TMEFF2: variants seen among roughly 807,000 people sequenced by gnomAD.
The protein encoded by TMEFF2 is transmembrane protein with EGF like and two follistatin like domains 2, also known as tomoregulin-2.
A neutral mutation model predicts 53.8 loss-of-function variants in TMEFF2; 28 were observed. The observed-to-expected ratio is 0.52, with a 90% CI of 0.39 to 0.71. TMEFF2 has a LOEUF of 0.71. Ranked by LOEUF, TMEFF2 falls within the 30% of genes least tolerant of loss-of-function variation. The pLI is 0.00. For missense variants in TMEFF2, 353 were observed against 455.2 expected, an observed-to-expected ratio of 0.78 and a Z score of 2.04; for synonymous variants, 162 against 166.3, an observed-to-expected ratio of 0.97 and a Z score of 0.20.
intron 4 of TMEFF2, among the ~76,000 whole-genome samples, chr2:192,094,975 A>G (rs958653936): frequency 1.1e-4 from 16 of 152,218 alleles, no homozygotes; most frequent in African/African-American, 2.9e-4. Context: ...AGCTTCCAAT[A>G]ATTAAGTTTC....
chr2:191,995,410 A>T (rs781780403), intron 7 of TMEFF2, among the ~76,000 whole-genome samples: 3 of 152,008 alleles, frequency 2.0e-5, no homozygotes, highest in Non-Finnish European at 2.9e-5. Flanking sequence ...CTCAGGTGGG[A>T]GAGTCCGTGA....
At chr2:191,957,086 C>T (rs1336449081) in intron 7 of TMEFF2, among the ~76,000 whole-genome samples, 5 of 152,126 alleles carry the variant, frequency 3.3e-5, no homozygotes, top group Admixed American at 1.3e-4. Flanking sequence ...CTTACGATAA[C>T]GAATAAACGT....
intron 4 of TMEFF2, among the ~76,000 whole-genome samples, chr2:192,081,113 G>A (rs1351178786): frequency 1.3e-5 from 2 of 152,036 alleles, no homozygotes; most frequent in Non-Finnish European, 2.9e-5. Flanking sequence ...GCAATACTAG[G>A]GACTATCCAA....
Position 192,183,232 on chromosome 2 carries a change from G to A in TMEFF2, c.412+1122C>T, listed in dbSNP as rs942665873. On this transcript the variant is annotated intron_variant, in intron 3 of 9. Transcript: ENST00000272771. ...ATTCTCTTTCTTCTGCTAATTCTCA[G>A]AAACTTGGGTAGTCACCAGTATAAC... 9.2e-5 allele frequency among the ~76,000 whole-genome samples: 14 copies of A among 152,082 alleles called. No homozygotes were observed. The East Asian group carries it at 2.7e-3, about 29-fold the overall frequency.
intron 4 of TMEFF2, among the ~76,000 whole-genome samples, chr2:192,174,673 A>G (rs902358538): frequency 4.0e-5 from 6 of 151,788 alleles, no homozygotes; most frequent in Admixed American, 4.0e-4. Flanking sequence ...TTCTTCCCAT[A>G]TATATTGCCT....
chr2:191,961,000 A>C (rs1269657633), intron 7 of TMEFF2, among the ~76,000 whole-genome samples: 1 of 152,240 alleles, frequency 6.6e-6, no homozygotes, highest in Non-Finnish European at 1.5e-5. Flanking sequence ...ATGATTAATC[A>C]TGAATATTTA....
At position 191,950,396 on chromosome 2, in the gene TMEFF2, C is replaced by T. The variant is rs756796676; in HGVS notation, c.1040G>A (p.Arg347Lys). The T allele has an allele frequency of 6.5e-5, 105 of 1,613,828 alleles. No homozygotes were observed. The highest frequency in any genetic ancestry group is 8.6e-5 in the Non-Finnish European group (102 of 1,179,940). ...CTTCTGTCTGTGAATTCTGTTGCTT[C>T]TGGGGCATTTCCTGGAAGGTTGGAA... ...VVLCITRKCP[R>K]SNRIHRQKQN... The change falls in exon 10 of 10, where the codon AGA (arginine) becomes AAA (lysine). Residue 347 changes from arginine (R) to lysine (K), a missense_variant. By Grantham distance (26) the Arg-to-Lys change is conservative. Transcript: ENST00000272771.
intron 7 of TMEFF2, among the ~76,000 whole-genome samples, chr2:191,981,233 T>C (rs1021741016): frequency 1.8e-4 from 27 of 152,196 alleles, no homozygotes; most frequent in Non-Finnish European, 7.3e-5. Context: ...TGCTCCACTT[T>C]TTCATTCCAT....
At position 192,194,100 on chromosome 2, in the gene TMEFF2, C is replaced by T. The variant is rs894221410; in HGVS notation, c.172+253G>A. On this transcript the variant is annotated intron_variant, in intron 1 of 9. Transcript: ENST00000272771. This position sits in a 1 kb window ranked among gnomAD's most constrained non-coding sequence, Gnocchi z 4.2. The stretch of plus-strand genomic sequence containing the variant: ...CGTTTAATATTTCTCAAAATCCTCG[C>T]AGCTCCAATGTAAGCGCAAGCATGC... 6.6e-6 allele frequency among the ~76,000 whole-genome samples: 1 copy of T among 152,188 alleles called. No individual in the cohort carries two copies. The highest frequency in any genetic ancestry group is 1.5e-5 in the Non-Finnish European group (1 of 68,032).
At chr2:192,144,001 C>T (rs1690195160) in intron 4 of TMEFF2, among the ~76,000 whole-genome samples, 1 of 152,100 alleles carries the variant, frequency 6.6e-6, no homozygotes, top group African/African-American at 2.4e-5. Flanking sequence ...GGTTACACTA[C>T]AAAAATAACA....
At chr2:192,090,779 T>C (rs13007495) in intron 4 of TMEFF2, among the ~76,000 whole-genome samples, 15,240 of 152,232 alleles carry the variant, frequency 0.1, 1,043 homozygotes, top group Non-Finnish European at 0.16. Flanking sequence ...CCACAGGTAG[T>C]TGAACAGCCA....
At chr2:192,117,657 C>T (rs1364190751) in intron 4 of TMEFF2, among the ~76,000 whole-genome samples, 1 of 151,962 alleles carries the variant, frequency 6.6e-6, no homozygotes, top group Non-Finnish European at 1.5e-5. Context: ...GACTCTTTTT[C>T]CACCTCCCCA....
chr2:191,972,308 C>CCTT (rs1692669457), intron 7 of TMEFF2, among the ~76,000 whole-genome samples: 46 of 72,830 alleles, frequency 6.3e-4, no homozygotes, highest in African/African-American at 2.6e-3. Flanking sequence ...TCATGCCCAG[C>CCTT]TTTTTTTTTT....
intron 7 of TMEFF2, among the ~76,000 whole-genome samples, chr2:191,973,536 G>A (rs1692714358): frequency 6.6e-6 from 1 of 151,946 alleles, no homozygotes; most frequent in South Asian, 2.1e-4. Context: ...TGATAAAGTA[G>A]GAGCTTGAGG....
In TMEFF2 at chr2:191,953,730, A is replaced by G. The variant is rs1323218119; in HGVS notation, c.977T>C (p.Ile326Thr). The G allele has an allele frequency of 2.0e-5, 33 of 1,614,062 alleles. No homozygotes were observed. Among genetic ancestry groups the G allele is most frequent in the East Asian group, 6.7e-5 (3 of 44,900 alleles). Reference sequence around the variant, plus strand: ...GATGACAGCAATCTGAATTGTTCCAATCACAGCTGCGATTAAGACATACTG... The same window carrying G: ...GATGACAGCAATCTGAATTGTTCCAGTCACAGCTGCGATTAAGACATACTG... ...RFQYVLIAAVIGTIQIAVICV... is the reference protein window; with the variant it reads ...RFQYVLIAAVTGTIQIAVICV... The change falls in exon 9 of 10, where the codon ATT becomes ACT. Residue 326 changes from isoleucine to threonine, a missense_variant. Ile to Thr is a moderately conservative substitution (Grantham distance 89). This residue lies in a region of TMEFF2 where 294 missense variants were observed against 397.3 expected (regional missense o/e 0.74). Transcript: ENST00000272771.
chr2:191,964,451 T>C (rs1188327558), intron 7 of TMEFF2, among the ~76,000 whole-genome samples: 1 of 146,868 alleles, frequency 6.8e-6, no homozygotes, highest in African/African-American at 2.5e-5. Flanking sequence ...TTTTAACCCA[T>C]GTACCTTGTC....
intron 7 of TMEFF2, among the ~76,000 whole-genome samples, chr2:191,972,254 C>T (rs1020826032): frequency 6.6e-6 from 1 of 150,412 alleles, no homozygotes; most frequent in African/African-American, 2.4e-5. Context: ...AAGTGATTCT[C>T]CTGCCTCAGC....
intron 4 of TMEFF2, among the ~76,000 whole-genome samples, chr2:192,085,767 A>G (rs751648880): frequency 2.0e-5 from 3 of 152,072 alleles, no homozygotes; most frequent in Non-Finnish European, 2.9e-5. Context: ...AAGTCAGGTC[A>G]GAGAAACCTA....
At chr2:192,114,064 TTGTGTGTGTGTGTGTGTGTGTG>T (rs34553641) in intron 4 of TMEFF2, among the ~76,000 whole-genome samples, 10 of 143,168 alleles carry the variant, frequency 7.0e-5, no homozygotes, top group Admixed American at 6.4e-4. Flanking sequence ...AATCTGGAAA[TTGTGTGTGTGTGTGTGTGTGTG>T]TGTGTGTGTG....
Sources: allele counts gnomAD v4.1 joint callset (sites outside exome capture counted in the v4.1 genomes callset), GRCh38; gene constraint gnomAD v4.1.1; regional missense constraint gnomAD v4.1.1; non-coding constraint Gnocchi (gnomAD v3.1); transcripts MANE v1.5; gene names NCBI Gene and HGNC (gene_info 2026-07-23, HGNC 2026-07-21).